Variants in ALCAM observed in about 807,000 individuals in gnomAD.
The protein encoded by ALCAM is activated leukocyte cell adhesion molecule, also known as CD166 antigen.
ALCAM carries 30 observed loss-of-function variants against 70.9 expected under a neutral mutation model. The ratio of observed to expected loss-of-function variants is 0.42; its 90% CI spans 0.32 to 0.57. The LOEUF (loss-of-function observed/expected upper bound fraction) is 0.57, where lower values mean the gene tolerates loss of function less well. ALCAM is among the 20% of genes least tolerant of loss of function. The pLI, the probability that ALCAM is intolerant of heterozygous loss-of-function variation, is 0.11. For missense variants in ALCAM, 591 were observed against 695.1 expected (o/e 0.85, Z 1.68); for synonymous variants, 249 against 242.5 (o/e 1.03, Z -0.25).
At chr3:105,386,658 A>C (rs1040373565) in intron 1 of ALCAM, among the ~76,000 whole-genome samples, 1 of 145,844 alleles carries the variant, frequency 6.9e-6, no homozygotes, top group Admixed American at 6.8e-5. Flanking sequence ...TTATACCACC[A>C]TAAATATATA....
rs1252859024 is a variant in ALCAM, at chr3:105,466,689, A to G, written c.74-53378A>G. Among the ~76,000 whole-genome samples the G allele has an allele frequency of 1.3e-4, 19 of 151,430 alleles. No individual in the cohort carries two copies. In the Admixed American group the frequency reaches 1.3e-3, roughly 10 times the overall value. On this transcript the variant is annotated intron_variant, in intron 1 of 15. Transcript: ENST00000306107. The stretch of plus-strand genomic sequence containing the variant: ...GTTATAAACCCTGAATGTTTAGAAC[A>G]TTGTTTCAGCACATATTAATTAGTG...
chr3:105,572,344 T>C (rs147547166), intron 15 of ALCAM, among the ~76,000 whole-genome samples: 4 of 152,294 alleles, frequency 2.6e-5, no homozygotes, highest in African/African-American at 9.6e-5. Context: ...TTGAGTTTTC[T>C]GTTCTTGCGT....
intron 1 of ALCAM, among the ~76,000 whole-genome samples, chr3:105,485,912 A>C (rs910164968): frequency 6.6e-6 from 1 of 151,988 alleles, no homozygotes; most frequent in African/African-American, 2.4e-5. Flanking sequence ...AATTACATCA[A>C]TTTACCAAAA....
At chr3:105,515,036 A>G (rs1030697169) in intron 1 of ALCAM, among the ~76,000 whole-genome samples, 1 of 147,634 alleles carries the variant, frequency 6.8e-6, no homozygotes. Flanking sequence ...CTTGGCAGTT[A>G]TAGCCCTTTG....
At chr3:105,395,951 G>A (rs1296538228) in intron 1 of ALCAM, among the ~76,000 whole-genome samples, 1 of 151,900 alleles carries the variant, frequency 6.6e-6, no homozygotes, top group East Asian at 1.9e-4. Flanking sequence ...AATTCACAGG[G>A]CAAGGTTTCT....
intron 8 of ALCAM, 69 bp from the exon 9 acceptor site, chr3:105,545,154 C>A (rs770839870): frequency 9.5e-7 from 1 of 1,048,214 alleles, no homozygotes; most frequent in Non-Finnish European, 1.5e-6. Context: ...TTCATCTTTT[C>A]TTCTCCAAAA....
chr3:105,453,685 G>A (rs1454509648), intron 1 of ALCAM, among the ~76,000 whole-genome samples: 1 of 152,158 alleles, frequency 6.6e-6, no homozygotes, highest in Non-Finnish European at 1.5e-5. Context: ...TCATGATACT[G>A]ATTCTTCCTA....
intron 1 of ALCAM, among the ~76,000 whole-genome samples, chr3:105,407,768 A>G (rs1159398235): frequency 6.6e-6 from 1 of 152,170 alleles, no homozygotes; most frequent in African/African-American, 2.4e-5. Context: ...GAGGAAGTCA[A>G]ACTGTCACTG....
chr3:105,509,901 TTTTTTA>T (rs1273532188), intron 1 of ALCAM, among the ~76,000 whole-genome samples: 2 of 152,050 alleles, frequency 1.3e-5, no homozygotes, highest in African/African-American at 4.8e-5. Context: ...TTTTTGTATA[TTTTTTA>T]TTTTTAATTT....
intron 9 of ALCAM, among the ~76,000 whole-genome samples, chr3:105,546,400 C>G (rs962146744): frequency 2.0e-5 from 3 of 151,400 alleles, no homozygotes; most frequent in African/African-American, 4.8e-5. Context: ...TGTTGTCTTA[C>G]TCTGTGAGCT....
At chr3:105,470,132 T>TACACACACACACACAC (rs35560211) in intron 1 of ALCAM, among the ~76,000 whole-genome samples, 196 of 145,806 alleles carry the variant, frequency 1.3e-3, no homozygotes, top group South Asian at 3.9e-3. Context: ...GTTATATACA[T>TACACACACACACACAC]ACACACACAC....
At chr3:105,499,320 C>T (rs1315261659) in intron 1 of ALCAM, among the ~76,000 whole-genome samples, 1 of 152,002 alleles carries the variant, frequency 6.6e-6, no homozygotes, top group Non-Finnish European at 1.5e-5. Flanking sequence ...AAGTGAATTA[C>T]CATTTAAAGC....
chr3:105,496,097 G>A (rs759271016), intron 1 of ALCAM, among the ~76,000 whole-genome samples: 1 of 152,076 alleles, frequency 6.6e-6, no homozygotes, highest in African/African-American at 2.4e-5. Flanking sequence ...AATATGAGCC[G>A]AAAAGGCCTT....
chr3:105,451,140 T>C (rs1161959322), intron 1 of ALCAM, among the ~76,000 whole-genome samples: 1 of 152,028 alleles, frequency 6.6e-6, no homozygotes, highest in African/African-American at 2.4e-5. Flanking sequence ...GGTGCAACCC[T>C]GTAATTTCAG....
intron 1 of ALCAM, among the ~76,000 whole-genome samples, chr3:105,456,843 CCTCTA>C (rs1289381846): frequency 5.9e-5 from 9 of 151,956 alleles, no homozygotes; most frequent in Admixed American, 3.3e-4. Context: ...AAAAAAAAAC[CCTCTA>C]GTTAGGCAAG....
chr3:105,496,330 GA>G (rs369920440), intron 1 of ALCAM, among the ~76,000 whole-genome samples: 61,140 of 151,632 alleles, frequency 0.4, 12,889 homozygotes, highest in Admixed American at 0.52. Context: ...AAGCCATTCA[GA>G]AAGGACTAAC....
rs142251949 is a variant in ALCAM, at chr3:105,368,029, G to C, written c.73+548G>C. Among the ~76,000 whole-genome samples the C allele has an allele frequency of 1.1e-3, 166 of 151,744 alleles. 2 individuals are homozygous for C. The East Asian group carries it at 0.024, about 22-fold the overall frequency. ...GCGAAACCTGCTAAAGCTTAAAATC[G>C]TGGTTTCAACGTTACCCCCTGCGGT... is the stretch of plus-strand genomic sequence containing the variant. On this transcript the variant is annotated intron_variant, in intron 1 of 15. Coordinates refer to ENST00000306107, the MANE Select transcript of ALCAM (RefSeq NM_001627.4).
chr3:105,530,013 C>G (rs114914832), intron 3 of ALCAM, among the ~76,000 whole-genome samples: 1,539 of 152,154 alleles, frequency 0.01, 21 homozygotes, highest in African/African-American at 0.035. Context: ...ATATTCCAGG[C>G]ATAGTACTCT....
At chr3:105,558,753 C>T (rs1037550342) in intron 14 of ALCAM, among the ~76,000 whole-genome samples, 3 of 152,136 alleles carry the variant, frequency 2.0e-5, no homozygotes, top group African/African-American at 7.2e-5. Flanking sequence ...TGCTCTTGGC[C>T]ATCAAGCTCC....
Sources: allele counts gnomAD v4.1 joint callset (sites outside exome capture counted in the v4.1 genomes callset), GRCh38; gene constraint gnomAD v4.1.1; transcripts MANE v1.5; gene names NCBI Gene and HGNC (gene_info 2026-07-23, HGNC 2026-07-21).